The following MGMT variants were observed in gnomAD, a reference collection of about 807,000 sequenced individuals.
The protein encoded by MGMT is methylated-DNA--protein-cysteine methyltransferase.
Under a neutral mutation model 15.9 loss-of-function variants are expected in MGMT, and 14 were observed. The ratio of observed to expected loss-of-function variants is 0.88; its 90% confidence interval spans 0.58 to 1.37. The LOEUF (loss-of-function observed/expected upper bound fraction) is 1.37, where lower values mean the gene tolerates loss of function less well. MGMT is among the 40% of genes most tolerant of loss of function. MGMT has a pLI of 0.00. For synonymous variants in MGMT, 130 were observed against 118.2 expected (o/e 1.10, Z -0.65); for missense variants, 282 against 268.1 (o/e 1.05, Z -0.36).
chr10:129,536,205 C>A, intron 1 of MGMT, 36 bp from the exon 2 acceptor site: 1 of 1,611,768 alleles, frequency 6.2e-7, no homozygotes, highest in African/African-American at 1.3e-5. Flanking sequence ...CAGCCTCTTA[C>A]CTATACACTT....
In MGMT at chr10:129,524,409, C is replaced by T. The variant is rs150158642; in HGVS notation, c.-12-11832C>T. Reference sequence around the variant, plus strand: ...TCTCCCAGCTCTGCCATGCACCGTGCGTGTACACCTGAGTGTACTCAGGTT... The same window carrying T: ...TCTCCCAGCTCTGCCATGCACCGTGTGTGTACACCTGAGTGTACTCAGGTT... On this transcript the variant is annotated intron_variant, in intron 1 of 4. Transcript: ENST00000651593. Among the ~76,000 whole-genome samples, 204 of 152,252 alleles carry T rather than the reference C, an allele frequency of 1.3e-3. 1 individual carries two copies. The highest frequency in any genetic ancestry group is 4.1e-3 in the African/African-American group (172 of 41,560).
intron 2 of MGMT, among the ~76,000 whole-genome samples, chr10:129,646,754 A>ATATT: frequency 5.8e-5 from 5 of 86,674 alleles, no homozygotes; most frequent in African/African-American, 2.0e-4. Context: ...ATATATATAT[A>ATATT]TTTTCAGGGA....
intron 2 of MGMT, among the ~76,000 whole-genome samples, chr10:129,611,888 G>T (rs961228881): frequency 6.6e-5 from 10 of 152,288 alleles, no homozygotes; most frequent in African/African-American, 2.2e-4. Flanking sequence ...GTTGTCAATG[G>T]AAAGAGTCAA....
intron 3 of MGMT, among the ~76,000 whole-genome samples, chr10:129,728,560 C>T (rs976129497): frequency 5.9e-5 from 9 of 152,140 alleles, no homozygotes; most frequent in Non-Finnish European, 1.2e-4. Context: ...CCAGCCCTCT[C>T]ATGGCCCGCT....
chr10:129,510,665 G>A (rs149540238), intron 1 of MGMT, among the ~76,000 whole-genome samples: 17 of 152,290 alleles, frequency 1.1e-4, no homozygotes, highest in Middle Eastern at 3.4e-3. Context: ...ATAAAAATTC[G>A]TAAGAAATAG....
At chr10:129,664,610 T>C (rs1231187457) in intron 2 of MGMT, among the ~76,000 whole-genome samples, 1 of 152,210 alleles carries the variant, frequency 6.6e-6, no homozygotes, top group Non-Finnish European at 1.5e-5. Context: ...CAAAATACCA[T>C]GCACCACTGA....
At chr10:129,570,789 G>A (rs942787429) in intron 2 of MGMT, among the ~76,000 whole-genome samples, 6 of 152,188 alleles carry the variant, frequency 3.9e-5, no homozygotes, top group East Asian at 1.9e-4. Flanking sequence ...AAATTTAAAT[G>A]TATGAGGATT....
chr10:129,572,672 G>A (rs1846433856), intron 2 of MGMT, among the ~76,000 whole-genome samples: 1 of 152,228 alleles, frequency 6.6e-6, no homozygotes, highest in South Asian at 2.1e-4. Context: ...TCCACTCAGT[G>A]TAGATATTAA....
intron 2 of MGMT, among the ~76,000 whole-genome samples, chr10:129,698,480 A>G (rs1398344479): frequency 6.6e-6 from 1 of 152,226 alleles, no homozygotes; most frequent in Non-Finnish European, 1.5e-5. Context: ...ATGACTCTTT[A>G]AAAGTTTATA....
At chr10:129,617,705 GC>G (rs1478431902) in intron 2 of MGMT, among the ~76,000 whole-genome samples, 2 of 152,106 alleles carry the variant, frequency 1.3e-5, no homozygotes, top group Non-Finnish European at 2.9e-5. Flanking sequence ...TTTTTCATAT[GC>G]TTGTTGGCCA....
rs1355118473 is a variant in MGMT, at chr10:129,566,781, G to C, written c.125+30404G>C. On this transcript the variant is annotated intron_variant, in intron 2 of 4. Transcript: ENST00000651593. The surrounding 1 kb of genome is among the most constrained non-coding windows in gnomAD (Gnocchi z 4.1). Reference sequence around the variant, plus strand: ...CTCAGCTCTGCCCCAGGGTCCCTCTGATTCCACGGAGGAGCTGCGGAAAGT... The same window carrying C: ...CTCAGCTCTGCCCCAGGGTCCCTCTCATTCCACGGAGGAGCTGCGGAAAGT... Among the ~76,000 whole-genome samples, 1 of 152,098 alleles carries C rather than the reference G, an allele frequency of 6.6e-6. No homozygotes were observed. The highest frequency in any genetic ancestry group is 2.4e-5 in the African/African-American group (1 of 41,424).
intron 3 of MGMT, among the ~76,000 whole-genome samples, chr10:129,749,340 A>AT (rs1468227243): frequency 6.6e-6 from 1 of 152,042 alleles, no homozygotes; most frequent in Non-Finnish European, 1.5e-5. Context: ...TTTTCTGTCT[A>AT]TATAGTTTTG....
At chr10:129,737,502 T>A (rs1245027759) in intron 3 of MGMT, among the ~76,000 whole-genome samples, 1 of 152,176 alleles carries the variant, frequency 6.6e-6, no homozygotes, top group African/African-American at 2.4e-5. Flanking sequence ...GGTTTGAATG[T>A]CCTCCCGTAG....
intron 2 of MGMT, among the ~76,000 whole-genome samples, chr10:129,629,245 C>T (rs929768960): frequency 1.3e-5 from 2 of 152,188 alleles, no homozygotes; most frequent in African/African-American, 4.8e-5. Flanking sequence ...ATGAAACATG[C>T]CTTATAAACC....
chr10:129,570,174 A>C (rs1846400886), intron 2 of MGMT, among the ~76,000 whole-genome samples: 1 of 152,266 alleles, frequency 6.6e-6, no homozygotes, highest in Non-Finnish European at 1.5e-5. Context: ...TCATCAACTA[A>C]TAATTAAACC....
chr10:129,598,931 A>G (rs544056269), intron 2 of MGMT, among the ~76,000 whole-genome samples: 1 of 152,116 alleles, frequency 6.6e-6, no homozygotes, highest in South Asian at 2.1e-4. Context: ...CAGTTTACTC[A>G]CCTCTTGTTG....
intron 2 of MGMT, among the ~76,000 whole-genome samples, chr10:129,669,220 A>C (rs934647880): frequency 6.6e-6 from 1 of 152,132 alleles, no homozygotes; most frequent in Non-Finnish European, 1.5e-5. Context: ...GTTAAGAGAC[A>C]GAGTCTCACT....
chr10:129,475,348 A>T (rs926257589), intron 1 of MGMT, among the ~76,000 whole-genome samples: 2 of 152,064 alleles, frequency 1.3e-5, no homozygotes, highest in African/African-American at 4.8e-5. Flanking sequence ...TGTCTGGGTG[A>T]TGGGGGATCA....
intron 2 of MGMT, among the ~76,000 whole-genome samples, chr10:129,587,940 G>T (rs913292380): frequency 2.0e-5 from 3 of 152,124 alleles, no homozygotes; most frequent in African/African-American, 7.2e-5. Flanking sequence ...CTGGCTGGGT[G>T]CTAGGTTATT....
Sources: allele counts gnomAD v4.1 joint callset (sites outside exome capture counted in the v4.1 genomes callset), GRCh38; gene constraint gnomAD v4.1.1; non-coding constraint Gnocchi (gnomAD v3.1); transcripts MANE v1.5; gene names NCBI Gene and HGNC (gene_info 2026-07-23, HGNC 2026-07-21).